The following MRTFB variants were observed in gnomAD, a reference collection of about 807,000 sequenced individuals.
MRTFB encodes the protein myocardin related transcription factor B, also known as myocardin-related transcription factor B.
Under a neutral mutation model 104.2 loss-of-function variants are expected in MRTFB, and 29 were observed. The observed-to-expected ratio is 0.28, with a 90% confidence interval of 0.21 to 0.38. The LOEUF is 0.38. Among genes scored for constraint, MRTFB ranks in the 10% least tolerant of loss-of-function variants. The probability of loss-of-function intolerance (pLI) is 1.00; values close to 1 mark genes in which losing one functional copy is unlikely to be tolerated. For missense variants in MRTFB, 1,270 were observed against 1,341.6 expected, an observed-to-expected ratio of 0.95 and a Z score of 0.83; for synonymous variants, 535 against 519.5, an observed-to-expected ratio of 1.03 and a Z score of -0.41.
At chr16:14,043,566 C>T in the MRTFB span, among the ~76,000 whole-genome samples, 12 of 152,120 alleles carry the variant, frequency 7.9e-5, no homozygotes, top group Non-Finnish European at 1.5e-4. Flanking sequence ...TTATGCTATT[C>T]CCAAACCTCA....
At chr16:14,114,154 A>G (rs767185646) in intron 2 of MRTFB, among the ~76,000 whole-genome samples, 106 of 152,212 alleles carry the variant, frequency 7.0e-4, no homozygotes, top group Non-Finnish European at 1.2e-3. Context: ...AATGTTGCCA[A>G]TGTCTTCCCA....
intron 9 of MRTFB, among the ~76,000 whole-genome samples, chr16:14,237,132 G>C (rs1281147604): frequency 6.6e-6 from 1 of 152,210 alleles, no homozygotes; most frequent in Non-Finnish European, 1.5e-5. Flanking sequence ...GACCTTAGGA[G>C]AGAGGTCTAG....
the MRTFB span, among the ~76,000 whole-genome samples, chr16:14,047,060 C>G: frequency 2.0e-5 from 3 of 152,132 alleles, no homozygotes; most frequent in South Asian, 2.1e-4. Flanking sequence ...ATAAGACAGA[C>G]GTGAATTCCT....
At chr16:14,010,225 G>A in the MRTFB span, among the ~76,000 whole-genome samples, 1 of 152,158 alleles carries the variant, frequency 6.6e-6, no homozygotes, top group Non-Finnish European at 1.5e-5. Flanking sequence ...CCCCCAACAA[G>A]GTCCAGGCAG....
intron 2 of MRTFB, among the ~76,000 whole-genome samples, chr16:14,133,090 AT>A (rs1339204472): frequency 1.3e-5 from 2 of 152,234 alleles, no homozygotes; most frequent in Non-Finnish European, 2.9e-5. Context: ...ATATAGATGC[AT>A]TCTGTACTCA....
At chr16:14,085,411 C>T (rs1399359071) in intron 2 of MRTFB, among the ~76,000 whole-genome samples, 14 of 146,478 alleles carry the variant, frequency 9.6e-5, no homozygotes, top group African/African-American at 2.6e-5. Flanking sequence ...GAGCCGAGAT[C>T]GCACCACTGC....
At chr16:14,243,453 C>A (rs879700307) in intron 10 of MRTFB, among the ~76,000 whole-genome samples, 4 of 152,210 alleles carry the variant, frequency 2.6e-5, no homozygotes, top group Non-Finnish European at 5.9e-5. Flanking sequence ...GGCTTCAGCA[C>A]CAAGGCTTTG....
intron 2 of MRTFB, among the ~76,000 whole-genome samples, chr16:14,103,558 A>G (rs1596841197): frequency 6.6e-6 from 1 of 152,160 alleles, no homozygotes; most frequent in Non-Finnish European, 1.5e-5. Context: ...GAATACACCC[A>G]TGGATTCCTG....
In MRTFB at chr16:14,247,260, C is replaced by T. The variant is rs773062950; in HGVS notation, c.2000C>T (p.Thr667Ile). 108 of 1,614,114 alleles carry T rather than the reference C, an allele frequency of 6.7e-5. 1 individual carries two copies. In the South Asian group the frequency reaches 1.1e-3, roughly 17 times the overall value. Residue 667 changes from threonine (T) to isoleucine (I), a missense_variant, in exon 12 of 17, where the codon ACA becomes ATA. Thr to Ile is a moderately conservative substitution (Grantham distance 89, BLOSUM62 -1). Around this residue, in one of 3 missense-constraint regions of MRTFB, gnomAD observed 1,144 missense variants for 1,131.5 expected, o/e 1.01. Coordinates refer to ENST00000571589, the MANE Select transcript of MRTFB (RefSeq NM_001308142.2). ...CACGCTGTAGGCCAGCCCGTCTCTA[C>T]AGGTGGCCAGACCCTTGTTGCCAAA... ...ASHAVGQPVS[T>I]GGQTLVAKKA...
At chr16:14,110,786 T>C (rs4486903) in intron 2 of MRTFB, among the ~76,000 whole-genome samples, 22,463 of 152,138 alleles carry the variant, frequency 0.15, 2,446 homozygotes, top group East Asian at 0.29. Flanking sequence ...GACTACATCA[T>C]CCTCTTGCCT....
chr16:14,065,077 T>G, the MRTFB span, among the ~76,000 whole-genome samples: 2 of 152,236 alleles, frequency 1.3e-5, no homozygotes, highest in African/African-American at 2.4e-5. Flanking sequence ...ATATTGATTC[T>G]TCCTGTCCAT....
chr16:14,149,786 A>G (rs574530937), intron 3 of MRTFB, among the ~76,000 whole-genome samples: 157 of 152,280 alleles, frequency 1.0e-3, no homozygotes, highest in Non-Finnish European at 1.8e-3. Flanking sequence ...CATTTCCCTG[A>G]CTGTATACAG....
intron 2 of MRTFB, among the ~76,000 whole-genome samples, chr16:14,087,371 G>C (rs1276653746): frequency 1.3e-5 from 2 of 152,102 alleles, no homozygotes; most frequent in Non-Finnish European, 2.9e-5. Context: ...TCCTAACTCT[G>C]GGCACTTTGT....
At chr16:14,035,741 C>T in the MRTFB span, among the ~76,000 whole-genome samples, 1 of 151,700 alleles carries the variant, frequency 6.6e-6, no homozygotes, top group African/African-American at 2.4e-5. Context: ...CATATAATTC[C>T]ATTTTGGGGG....
At chr16:14,203,490 C>T (rs1265077331) in intron 3 of MRTFB, among the ~76,000 whole-genome samples, 1 of 152,120 alleles carries the variant, frequency 6.6e-6, no homozygotes, top group Non-Finnish European at 1.5e-5. Context: ...ATGCTGCATA[C>T]AATGTGTTGT....
At chr16:14,114,995 T>C (rs535787786) in intron 2 of MRTFB, among the ~76,000 whole-genome samples, 2 of 152,346 alleles carry the variant, frequency 1.3e-5, no homozygotes, top group African/African-American at 2.4e-5. Context: ...GAGTGAGTCC[T>C]AGGTTATTCC....
the MRTFB span, among the ~76,000 whole-genome samples, chr16:14,017,711 AT>A: frequency 0.011 from 384 of 33,584 alleles, 51 homozygotes; most frequent in African/African-American, 0.05. Context: ...ATATATATAT[AT>A]TTTTTTTTTT....
chr16:14,132,696 C>T (rs1034004553), intron 2 of MRTFB, among the ~76,000 whole-genome samples: 1 of 152,178 alleles, frequency 6.6e-6, no homozygotes, highest in Non-Finnish European at 1.5e-5. Context: ...ATTTGAGATG[C>T]CCCTGGAATT....
chr16:14,023,692 T>C, the MRTFB span, among the ~76,000 whole-genome samples: 3 of 151,332 alleles, frequency 2.0e-5, no homozygotes, highest in Non-Finnish European at 2.9e-5. Flanking sequence ...TATATATATA[T>C]ACATATTTTA....
Sources: gnomAD v4.1 joint callset for allele counts (sites outside exome capture counted in the v4.1 genomes callset) on GRCh38, gnomAD v4.1.1 for gene constraint, gnomAD v4.1.1 regional missense constraint, MANE v1.5 for transcripts, NCBI Gene and HGNC (gene_info 2026-07-23, HGNC 2026-07-21) for gene names.